DOK6: variants seen among roughly 807,000 people sequenced by gnomAD.
The protein encoded by DOK6 is docking protein 6, also known as downstream of tyrosine kinase 6.
A neutral mutation model predicts 44.0 loss-of-function variants in DOK6; 22 were observed. The ratio of observed to expected loss-of-function variants is 0.50; its 90% CI spans 0.36 to 0.71. DOK6 has a LOEUF of 0.71. Among genes scored for constraint, DOK6 ranks in the 30% least tolerant of loss-of-function variants. The pLI, the probability that DOK6 is intolerant of heterozygous loss-of-function variation, is 0.00. For missense variants in DOK6, 340 were observed against 416.4 expected (o/e 0.82, Z 1.60); for synonymous variants, 166 against 145.5 (o/e 1.14, Z -1.01).
At chr18:69,568,055 G>A (rs74793182) in intron 2 of DOK6, among the ~76,000 whole-genome samples, 4,594 of 152,196 alleles carry the variant, frequency 0.03, 83 homozygotes, top group Non-Finnish European at 0.043. Flanking sequence ...TCAGGCAACC[G>A]GCTCTCCCTT....
intron 1 of DOK6, among the ~76,000 whole-genome samples, chr18:69,419,780 T>A (rs1978435332): frequency 6.6e-6 from 1 of 152,180 alleles, no homozygotes; most frequent in African/African-American, 2.4e-5. Flanking sequence ...AGACCCTTTC[T>A]GGCACAAAAG....
intron 5 of DOK6, among the ~76,000 whole-genome samples, chr18:69,703,600 CA>C (rs1268085705): frequency 6.6e-6 from 1 of 152,226 alleles, no homozygotes; most frequent in Non-Finnish European, 1.5e-5. Context: ...ATTTCCCACT[CA>C]AGCTATGCCT....
At chr18:69,680,657 G>T (rs1027163720) in intron 4 of DOK6, among the ~76,000 whole-genome samples, 1 of 152,070 alleles carries the variant, frequency 6.6e-6, no homozygotes, top group African/African-American at 2.4e-5. Context: ...GTATACCCCA[G>T]TGTTCTCACT....
intron 7 of DOK6, among the ~76,000 whole-genome samples, chr18:69,760,407 T>C (rs569171505): frequency 1.2e-3 from 189 of 151,944 alleles, no homozygotes; most frequent in Non-Finnish European, 2.2e-3. Context: ...GATTTTTTTT[T>C]CCCCCAGAGC....
chr18:69,601,815 C>T (rs1983880083), intron 3 of DOK6, among the ~76,000 whole-genome samples: 1 of 152,108 alleles, frequency 6.6e-6, no homozygotes, highest in Non-Finnish European at 1.5e-5. Context: ...GCATGAAATA[C>T]ACAAGACGAG....
chr18:69,580,062 C>A (rs555553416), intron 2 of DOK6, among the ~76,000 whole-genome samples: 1 of 152,220 alleles, frequency 6.6e-6, no homozygotes, highest in South Asian at 2.1e-4. Flanking sequence ...CTTTAGTTTT[C>A]TTTTGCTACA....
intron 5 of DOK6, among the ~76,000 whole-genome samples, chr18:69,726,790 T>C (rs982902929): frequency 6.6e-6 from 1 of 151,726 alleles, no homozygotes; most frequent in East Asian, 1.9e-4. Flanking sequence ...TTTCATGCTG[T>C]GTCCTCACAT....
intron 7 of DOK6, among the ~76,000 whole-genome samples, chr18:69,759,210 C>T (rs375161663): frequency 2.6e-5 from 4 of 152,226 alleles, no homozygotes; most frequent in South Asian, 2.1e-4. Flanking sequence ...AAAGAGAAGA[C>T]GAGTATCTTA....
At chr18:69,422,818 C>T (rs1279027966) in intron 1 of DOK6, among the ~76,000 whole-genome samples, 1 of 152,118 alleles carries the variant, frequency 6.6e-6, no homozygotes, top group Non-Finnish European at 1.5e-5. Context: ...CATGCTTTTT[C>T]ATTACCTAGA....
intron 1 of DOK6, among the ~76,000 whole-genome samples, chr18:69,532,557 AT>A (rs1272071326): frequency 6.6e-6 from 1 of 152,174 alleles, no homozygotes; most frequent in Non-Finnish European, 1.5e-5. Context: ...TTCACTGCCA[AT>A]AGCATTAAGT....
At chr18:69,703,875 AAATGAAGT>A (rs1281292993) in intron 5 of DOK6, among the ~76,000 whole-genome samples, 1 of 152,238 alleles carries the variant, frequency 6.6e-6, no homozygotes, top group Admixed American at 6.5e-5. Context: ...AATTAAAGTT[AAATGAAGT>A]AATAAGGGTG....
chr18:69,841,337 G>C lies in DOK6; in HGVS notation c.950G>C (p.Arg317Pro), dbSNP rs1431675272. The change falls in exon 8 of 8, where the codon CGG becomes CCG. Residue 317 changes from arginine (R) to proline (P), a missense_variant. Around this residue, in one of 3 missense-constraint regions of DOK6, gnomAD observed 112 missense variants for 109.3 expected, o/e 1.02. Coordinates refer to ENST00000382713, the MANE Select transcript of DOK6 (RefSeq NM_152721.6). Reference sequence around the variant, plus strand: ...GAAGAGGCCCAGCAGCCGTTGTCGCGGTCCAGCAGCTATGGATTCAGCTAC... The same window carrying C: ...GAAGAGGCCCAGCAGCCGTTGTCGCCGTCCAGCAGCTATGGATTCAGCTAC... ...QSEEAQQPLS[R>P]SSSYGFSYSS... The C allele has an allele frequency of 3.1e-6, 5 of 1,614,154 alleles. No homozygotes were observed. In the East Asian group the frequency reaches 8.9e-5, roughly 29 times the overall value.
At chr18:69,670,848 C>T (rs1985781020) in intron 3 of DOK6, among the ~76,000 whole-genome samples, 1 of 152,058 alleles carries the variant, frequency 6.6e-6, no homozygotes, top group Non-Finnish European at 1.5e-5. Flanking sequence ...AAGAATTCTC[C>T]CCCAATGCTG....
intron 5 of DOK6, among the ~76,000 whole-genome samples, chr18:69,728,783 G>C (rs1369535106): frequency 2.6e-5 from 4 of 152,244 alleles, no homozygotes; most frequent in African/African-American, 4.8e-5. Flanking sequence ...GGTTCAGAGA[G>C]TGAAAGTCTA....
At chr18:69,818,690 C>T (rs550060480) in intron 7 of DOK6, among the ~76,000 whole-genome samples, 4 of 152,350 alleles carry the variant, frequency 2.6e-5, no homozygotes, top group African/African-American at 9.6e-5. Flanking sequence ...GGGCTGTAGC[C>T]TAGCTATGTT....
At chr18:69,654,117 G>C (rs892157505) in intron 3 of DOK6, among the ~76,000 whole-genome samples, 7 of 152,148 alleles carry the variant, frequency 4.6e-5, no homozygotes, top group Non-Finnish European at 2.9e-5. Context: ...CAGTTGAGGA[G>C]GGTGTTAGTA....
intron 1 of DOK6, among the ~76,000 whole-genome samples, chr18:69,542,186 G>A (rs1982286427): frequency 6.6e-6 from 1 of 151,470 alleles, no homozygotes; most frequent in African/African-American, 2.4e-5. Context: ...ACAGTTTGGA[G>A]AAGAAGAGAA....
At chr18:69,676,793 TG>T (rs1226232264) in intron 3 of DOK6, among the ~76,000 whole-genome samples, 3 of 152,228 alleles carry the variant, frequency 2.0e-5, no homozygotes, top group Non-Finnish European at 4.4e-5. Context: ...GGCACAGATA[TG>T]ATCCTAACCC....
chr18:69,689,868 C>T (rs868571394), intron 4 of DOK6, among the ~76,000 whole-genome samples: 2 of 152,022 alleles, frequency 1.3e-5, no homozygotes, highest in South Asian at 4.2e-4. Context: ...TATAGCACAG[C>T]TATATAGTGT....
Sources: allele counts gnomAD v4.1 joint callset (sites outside exome capture counted in the v4.1 genomes callset), GRCh38; gene constraint gnomAD v4.1.1; regional missense constraint gnomAD v4.1.1; transcripts MANE v1.5; gene names NCBI Gene and HGNC (gene_info 2026-07-23, HGNC 2026-07-21).